The following LMO7 variants were observed in gnomAD, a reference collection of about 807,000 sequenced individuals.
LMO7 encodes LIM domain 7.
LMO7 carries 120 observed loss-of-function variants against 206.5 expected under a neutral mutation model. The observed-to-expected ratio is 0.58, with a 90% CI of 0.50 to 0.68. The LOEUF (loss-of-function observed/expected upper bound fraction) is 0.68, where lower values mean the gene tolerates loss of function less well. Among genes scored for constraint, LMO7 ranks in the 30% least tolerant of loss-of-function variants. The pLI, the probability that LMO7 is intolerant of heterozygous loss-of-function variation, is 0.00. For missense variants in LMO7, 1,959 were observed against 1,957.9 expected, an observed-to-expected ratio of 1.00 and a Z score of -0.01; for synonymous variants, 706 against 681.5, an observed-to-expected ratio of 1.04 and a Z score of -0.56.
At chr13:75,723,949 T>C (rs2138492845) in intron 2 of LMO7, among the ~76,000 whole-genome samples, 1 of 152,238 alleles carries the variant, frequency 6.6e-6, no homozygotes, top group African/African-American at 2.4e-5. Context: ...GCTTCCTTCA[T>C]AGACAGACTT....
intron 15 of LMO7, among the ~76,000 whole-genome samples, chr13:75,825,239 A>G (rs367850909): frequency 1.2e-4 from 18 of 152,358 alleles, no homozygotes; most frequent in African/African-American, 3.8e-4. Context: ...CCTGTGTTAT[A>G]CTTGGGCAAC....
At chr13:75,814,021 T>A (rs2056730457) in intron 11 of LMO7, among the ~76,000 whole-genome samples, 1 of 152,188 alleles carries the variant, frequency 6.6e-6, no homozygotes, top group Non-Finnish European at 1.5e-5. Context: ...CTTACGTGAA[T>A]CTATATTCTC....
chr13:75,673,028 A>T (rs186095607), intron 1 of LMO7, among the ~76,000 whole-genome samples: 1 of 152,228 alleles, frequency 6.6e-6, no homozygotes, highest in East Asian at 1.9e-4. Flanking sequence ...TATTACAAAA[A>T]TTTTTCTCAT....
At position 75,762,450 on chromosome 13, in the gene LMO7, C is replaced by T. The variant is rs148621442; in HGVS notation, c.317+1412C>T. ...CCTTAAGTTGTTGATGCTTGTTAAG[C>T]GTTAACGTGCTTCCCCCTAAAATAA... On this transcript the variant is annotated intron_variant, in intron 4 of 30. Transcript: ENST00000377534. 3.0e-3 allele frequency among the ~76,000 whole-genome samples: 451 copies of T among 152,168 alleles called. 3 individuals are homozygous for T. The highest frequency in any genetic ancestry group is 0.01 in the African/African-American group (417 of 41,528).
At position 75,834,245 on chromosome 13, in the gene LMO7, T is replaced by A. The variant is rs1190894966; in HGVS notation, c.3084T>A (p.Ser1028=). 6.3e-7 allele frequency: 1 copy of A among 1,594,116 alleles called. No individual in the cohort carries two copies. Among genetic ancestry groups the A allele is most frequent in the Non-Finnish European group, 8.5e-7 (1 of 1,171,426 alleles). ...SVEAGSPAEF[S]QLQVDDEIIA... ...TTTTAGGTAGCCCAGCAGAATTTTC[T>A]CAGCTACAAGTAGATGATGAAATTA... is the stretch of plus-strand genomic sequence containing the variant. Residue 1028 remains serine (S), a synonymous_variant, in exon 17 of 31, where the codon TCT becomes TCA. Transcript: ENST00000377534.
At chr13:75,649,820 A>G (rs530320369) in intron 1 of LMO7, among the ~76,000 whole-genome samples, 1 of 152,352 alleles carries the variant, frequency 6.6e-6, no homozygotes, top group Non-Finnish European at 1.5e-5. Flanking sequence ...CATCTGCTAT[A>G]TAAAATACTA....
intron 1 of LMO7, among the ~76,000 whole-genome samples, chr13:75,642,585 A>G (rs2036644326): frequency 6.6e-6 from 1 of 151,850 alleles, no homozygotes; most frequent in Non-Finnish European, 1.5e-5. Flanking sequence ...CCTGGGTGAC[A>G]GAGTAAGACT....
chr13:75,780,850 G>A (rs548776152), intron 4 of LMO7, among the ~76,000 whole-genome samples: 15 of 152,190 alleles, frequency 9.9e-5, no homozygotes, highest in African/African-American at 1.9e-4. Context: ...TGGTCCCTTC[G>A]TTTGGGTTCC....
intron 22 of LMO7, among the ~76,000 whole-genome samples, chr13:75,840,809 G>A (rs1373516268): frequency 6.6e-6 from 1 of 152,148 alleles, no homozygotes; most frequent in Non-Finnish European, 1.5e-5. Context: ...TGGGTCCATT[G>A]CAGAGTAATT....
chr13:75,634,441 T>TA (rs35029960), upstream of LMO7, among the ~76,000 whole-genome samples: 77,793 of 150,626 alleles, frequency 0.52, 20,483 homozygotes, highest in Admixed American at 0.62. Context: ...TTAAAAAACT[T>TA]AAAAAACAAA....
chr13:75,760,038 A>G (rs1205359979), intron 3 of LMO7, among the ~76,000 whole-genome samples: 2 of 151,716 alleles, frequency 1.3e-5, no homozygotes, highest in African/African-American at 2.4e-5. Flanking sequence ...TCAACCCCAT[A>G]AAGTGTTTTC....
At chr13:75,802,453 C>A (rs1026473639) in intron 7 of LMO7, among the ~76,000 whole-genome samples, 1 of 152,140 alleles carries the variant, frequency 6.6e-6, no homozygotes, top group African/African-American at 2.4e-5. Flanking sequence ...ACTGAAGAAC[C>A]TACTCCATGT....
intron 3 of LMO7, among the ~76,000 whole-genome samples, chr13:75,737,456 A>C (rs668694): frequency 1.4e-5 from 2 of 144,376 alleles, no homozygotes; most frequent in Non-Finnish European, 3.1e-5. Context: ...TACCTTTTTT[A>C]AAAAAAAAAA....
At chr13:75,703,821 C>T (rs2042458474) in intron 1 of LMO7, among the ~76,000 whole-genome samples, 1 of 152,056 alleles carries the variant, frequency 6.6e-6, no homozygotes, top group Non-Finnish European at 1.5e-5. Flanking sequence ...ATGACTTTTT[C>T]AATCATTCTA....
chr13:75,858,838 AT>A lies in LMO7; in HGVS notation c.*899del. On this transcript the variant is annotated 3_prime_UTR_variant, in exon 31 of 31. Coordinates refer to ENST00000377534, the MANE Select transcript of LMO7 (RefSeq NM_001306080.2). Reference sequence around the variant, plus strand: ...ATATTTAAAGTGTATACTTTGACAAATTTTGACATGGTGTATACCTTCGAAA... The same window carrying A: ...ATATTTAAAGTGTATACTTTGACAAATTTGACATGGTGTATACCTTCGAAA... The A allele has an allele frequency of 6.6e-6, 1 of 152,236 alleles. No homozygotes were observed. Among genetic ancestry groups the A allele is most frequent in the Non-Finnish European group, 1.5e-5 (1 of 68,024 alleles). The allele number at this position is 152,236 out of a possible 1,614,324, so 9.4% of individuals were successfully genotyped here.
intron 1 of LMO7, among the ~76,000 whole-genome samples, chr13:75,654,398 C>T (rs1476638110): frequency 2.0e-5 from 3 of 152,162 alleles, no homozygotes; most frequent in East Asian, 3.8e-4. Flanking sequence ...CCTGATCTCT[C>T]GTTCCTTTTT....
At chr13:75,680,093 C>T (rs1050420735) in intron 1 of LMO7, among the ~76,000 whole-genome samples, 15 of 152,296 alleles carry the variant, frequency 9.8e-5, no homozygotes, top group African/African-American at 3.1e-4. Context: ...GTTCCCCTCC[C>T]TGTGTCCATG....
In LMO7 at chr13:75,841,227, T is replaced by C. The variant is rs1391084124; in HGVS notation, c.3675+26T>C. Reference sequence around the variant, plus strand: ...GTAGTGTTAGAACATGCCTGTTTAGTTTTTCTTCTCTTTACCTTGTTGGTG... The same window carrying C: ...GTAGTGTTAGAACATGCCTGTTTAGCTTTTCTTCTCTTTACCTTGTTGGTG... On this transcript the variant is annotated intron_variant, in intron 23 of 30. Transcript: ENST00000377534. 5 of 1,460,476 alleles carry C rather than the reference T, an allele frequency of 3.4e-6. No individual in the cohort carries two copies. The South Asian group carries it at 4.7e-5, about 14-fold the overall frequency. 90.5% of individuals were successfully genotyped at this position (1,460,476 alleles called of 1,614,324 possible).
At chr13:75,778,914 A>G (rs905665084) in intron 4 of LMO7, among the ~76,000 whole-genome samples, 3 of 152,172 alleles carry the variant, frequency 2.0e-5, no homozygotes, top group African/African-American at 7.2e-5. Flanking sequence ...AAGGTCCTGG[A>G]GGCATCTCTG....
Sources: allele counts gnomAD v4.1 joint callset (sites outside exome capture counted in the v4.1 genomes callset), GRCh38; gene constraint gnomAD v4.1.1; transcripts MANE v1.5; gene names NCBI Gene and HGNC (gene_info 2026-07-23, HGNC 2026-07-21).